Variants in LHFPL6 observed in about 807,000 individuals in gnomAD.
LHFPL6 encodes the protein LHFPL tetraspan subfamily member 6 protein.
A neutral mutation model predicts 20.6 loss-of-function variants in LHFPL6; 9 were observed. The observed-to-expected ratio is 0.44, with a 90% confidence interval of 0.26 to 0.76. LHFPL6 has a LOEUF of 0.76. LHFPL6 is among the 30% of genes least tolerant of loss of function. The pLI is 0.20. For missense variants in LHFPL6, 218 were observed against 253.5 expected, an observed-to-expected ratio of 0.86 and a Z score of 0.95; for synonymous variants, 105 against 98.7, an observed-to-expected ratio of 1.06 and a Z score of -0.38.
chr13:39,600,216 C>A (rs1326563095), intron 2 of LHFPL6, among the ~76,000 whole-genome samples: 1 of 152,160 alleles, frequency 6.6e-6, no homozygotes, highest in Non-Finnish European at 1.5e-5. Flanking sequence ...TTTTCCACAG[C>A]AAGAGCACCC....
intron 2 of LHFPL6, among the ~76,000 whole-genome samples, chr13:39,500,992 A>T (rs1020749004): frequency 2.6e-5 from 4 of 152,164 alleles, no homozygotes; most frequent in African/African-American, 9.7e-5. Context: ...GGGGCGTGAC[A>T]ATGTGAATTT....
At chr13:39,353,237 C>G (rs142752947) in intron 3 of LHFPL6, among the ~76,000 whole-genome samples, 1 of 151,022 alleles carries the variant, frequency 6.6e-6, no homozygotes, top group Non-Finnish European at 1.5e-5. Context: ...CCAGCCGCCT[C>G]GGCCTTCCAA....
intron 2 of LHFPL6, among the ~76,000 whole-genome samples, chr13:39,585,403 C>A (rs189020863): frequency 6.6e-6 from 1 of 152,302 alleles, no homozygotes; most frequent in East Asian, 1.9e-4. Flanking sequence ...TCACGGCCTT[C>A]AATGCAATTG....
chr13:39,586,335 A>G (rs1031278800), intron 2 of LHFPL6, among the ~76,000 whole-genome samples: 1 of 152,348 alleles, frequency 6.6e-6, no homozygotes, highest in Non-Finnish European at 1.5e-5. Context: ...AGTTAGTAAC[A>G]CATGCTTACA....
intron 3 of LHFPL6, among the ~76,000 whole-genome samples, chr13:39,374,177 T>C (rs940100285): frequency 2.0e-5 from 3 of 152,060 alleles, no homozygotes; most frequent in Non-Finnish European, 2.9e-5. Flanking sequence ...TTCCACACCA[T>C]GGAATACTAC....
chr13:39,598,186 A>G (rs571156732), intron 2 of LHFPL6, among the ~76,000 whole-genome samples: 69 of 152,394 alleles, frequency 4.5e-4, no homozygotes, highest in African/African-American at 1.6e-3. Context: ...TCATCATAGG[A>G]AAAATTTATT....
intron 2 of LHFPL6, among the ~76,000 whole-genome samples, chr13:39,451,000 G>A (rs1406809489): frequency 1.3e-5 from 2 of 152,066 alleles, no homozygotes; most frequent in Admixed American, 6.6e-5. Flanking sequence ...AATTTACCAC[G>A]AAGAGTTTTA....
chr13:39,395,380 G>A (rs764031821), intron 2 of LHFPL6, among the ~76,000 whole-genome samples: 7 of 152,144 alleles, frequency 4.6e-5, no homozygotes, highest in Non-Finnish European at 5.9e-5. Flanking sequence ...ATTTAAAGCC[G>A]CTTTTTATGG....
chr13:39,432,791 G>GT (rs762034765), intron 2 of LHFPL6, among the ~76,000 whole-genome samples: 22 of 152,130 alleles, frequency 1.4e-4, no homozygotes, highest in Admixed American at 8.5e-4. Context: ...TGATGTTTCT[G>GT]TAGGACCTAG....
chr13:39,367,249 A>G (rs761088684), intron 3 of LHFPL6, among the ~76,000 whole-genome samples: 3 of 152,140 alleles, frequency 2.0e-5, no homozygotes, highest in Admixed American at 6.5e-5. Flanking sequence ...CTGAAAAACT[A>G]CCTATGGGGT....
intron 2 of LHFPL6, among the ~76,000 whole-genome samples, chr13:39,396,619 G>A (rs898946870): frequency 6.6e-6 from 1 of 151,642 alleles, no homozygotes; most frequent in Non-Finnish European, 1.5e-5. Flanking sequence ...AACATGGCAA[G>A]ACACCATCTC....
chr13:39,451,082 G>GT (rs1277689680), intron 2 of LHFPL6, among the ~76,000 whole-genome samples: 1 of 152,096 alleles, frequency 6.6e-6, no homozygotes, highest in African/African-American at 2.4e-5. Flanking sequence ...GTAAACACCA[G>GT]TTGCTGGCTT....
At chr13:39,393,537 C>T (rs1870764010) in intron 2 of LHFPL6, among the ~76,000 whole-genome samples, 1 of 152,036 alleles carries the variant, frequency 6.6e-6, no homozygotes, top group Admixed American at 6.6e-5. Flanking sequence ...GATGGGGAGG[C>T]ACAAAATGAA....
chr13:39,567,562 T>TCTTCCTCTTCTTATTTCTCTCC, intron 2 of LHFPL6, among the ~76,000 whole-genome samples: 2 of 152,260 alleles, frequency 1.3e-5, no homozygotes, highest in East Asian at 3.9e-4. Context: ...TTCTTCCTCT[T>TCTTCCTCTTCTTATTTCTCTCC]CTTCCTCTTC....
At chr13:39,508,758 A>G (rs895366205) in intron 2 of LHFPL6, among the ~76,000 whole-genome samples, 4 of 152,188 alleles carry the variant, frequency 2.6e-5, no homozygotes, top group Non-Finnish European at 5.9e-5. Flanking sequence ...CATTGTTTCC[A>G]GTTTGGGGCT....
intron 2 of LHFPL6, among the ~76,000 whole-genome samples, chr13:39,503,878 C>G (rs1369295300): frequency 1.3e-5 from 2 of 152,148 alleles, no homozygotes; most frequent in Non-Finnish European, 2.9e-5. Context: ...TGCCTTTTGA[C>G]AAGTCAAATA....
At position 39,602,902 on chromosome 13, in the gene LHFPL6, C is replaced by T. The variant is rs912046; in HGVS notation, c.-194G>A. 151,772 of 152,564 alleles carry T rather than the reference C, an allele frequency of 0.99. 75,491 individuals carry two copies. The highest frequency in any genetic ancestry group is 1 in the Middle Eastern group (300 of 300). The allele number at this position is 152,564 out of a possible 1,614,324, so 9.5% of individuals were successfully genotyped here. On this transcript the variant is annotated 5_prime_UTR_variant, in exon 1 of 4. Transcript: ENST00000379589. ...ACTTACATGGCTGGCGGGCGGCGGC[C>T]ACCTTCCCTCCCGCGTCCCGGGCGC...
rs79204140 is a variant in LHFPL6, at chr13:39,575,490, A to G, written c.385+25342T>C. 6.5e-3 allele frequency among the ~76,000 whole-genome samples: 985 copies of G among 152,164 alleles called. 8 individuals carry two copies. Among genetic ancestry groups the G allele is most frequent in the African/African-American group, 0.023 (952 of 41,514 alleles). On this transcript the variant is annotated intron_variant, in intron 2 of 3. Transcript: ENST00000379589. ...GTCATAAGATATCATTTTAGTCACA[A>G]CTCCTTGCTAATTTACTATGACATC...
At chr13:39,541,163 G>T (rs1413606983) in intron 2 of LHFPL6, among the ~76,000 whole-genome samples, 1 of 152,150 alleles carries the variant, frequency 6.6e-6, no homozygotes, top group Non-Finnish European at 1.5e-5. Flanking sequence ...GCCCAGTATT[G>T]CTCCTGAAAA....
Sources: gnomAD v4.1 joint callset for allele counts (sites outside exome capture counted in the v4.1 genomes callset) on GRCh38, gnomAD v4.1.1 for gene constraint, MANE v1.5 for transcripts, NCBI Gene and HGNC (gene_info 2026-07-23, HGNC 2026-07-21) for gene names.